OSBPL10: variants seen among roughly 807,000 people sequenced by gnomAD.
OSBPL10 encodes the protein oxysterol-binding protein-related protein 10.
Under a neutral mutation model 81.7 loss-of-function variants are expected in OSBPL10, and 49 were observed. The observed-to-expected ratio is 0.60, with a 90% CI of 0.48 to 0.76. The LOEUF (loss-of-function observed/expected upper bound fraction) is 0.76. Ranked by LOEUF, OSBPL10 falls within the 30% of genes least tolerant of loss-of-function variation. The pLI, the probability that OSBPL10 is intolerant of heterozygous loss-of-function variation, is 0.00. For missense variants in OSBPL10, 923 were observed against 987.8 expected (o/e 0.93, Z 0.88); for synonymous variants, 419 against 383.6 (o/e 1.09, Z -1.08).
chr3:31,784,489 A>G (rs1559463699), intron 4 of OSBPL10, among the ~76,000 whole-genome samples: 2 of 152,204 alleles, frequency 1.3e-5, no homozygotes, highest in African/African-American at 4.8e-5. Flanking sequence ...TATTATAAAG[A>G]AATAATCACA....
At chr3:31,863,308 A>T (rs1253219753) in intron 3 of OSBPL10, among the ~76,000 whole-genome samples, 4 of 152,204 alleles carry the variant, frequency 2.6e-5, no homozygotes, top group South Asian at 2.1e-4. Context: ...GGAAACAGGG[A>T]AACAGGGGAT....
At chr3:31,844,793 A>G (rs1700586285) in intron 3 of OSBPL10, among the ~76,000 whole-genome samples, 1 of 152,220 alleles carries the variant, frequency 6.6e-6, no homozygotes, top group Admixed American at 6.5e-5. Flanking sequence ...GCTAATTTGG[A>G]CCAGGCACAG....
At position 31,663,121 on chromosome 3, in the gene OSBPL10, A is replaced by T. The variant is rs1700107413; in HGVS notation, c.2250+958T>A. 9 of 985,344 alleles carry T rather than the reference A, an allele frequency of 9.1e-6. No individual in the cohort carries two copies. The South Asian group carries it at 3.8e-4, about 41-fold the overall frequency. The allele number at this position is 985,344 out of a possible 1,614,324, so 61.0% of individuals were successfully genotyped here. A position where few individuals can be genotyped will look rare whatever the true frequency, so the allele number is the denominator to read the frequency against. ...TAACTCACTTCTCAGCCTCGTATAT[A>T]GACAGAATAATCCCTCTTTGTAGCA... On this transcript the variant is annotated intron_variant, in intron 11 of 11. Transcript: ENST00000396556.
intron 4 of OSBPL10, among the ~76,000 whole-genome samples, chr3:31,751,812 T>A (rs1291117625): frequency 6.6e-6 from 1 of 152,204 alleles, no homozygotes; most frequent in African/African-American, 2.4e-5. Context: ...AATGACACAA[T>A]CAATGCCAAT....
At chr3:32,017,197 G>A (rs1295545526) in intron 2 of OSBPL10, among the ~76,000 whole-genome samples, 3 of 152,126 alleles carry the variant, frequency 2.0e-5, no homozygotes, top group Non-Finnish European at 4.4e-5. Context: ...TTCTGGAAAC[G>A]CTACGAGGCA....
intron 1 of OSBPL10, among the ~76,000 whole-genome samples, chr3:32,057,196 C>T (rs9871067): frequency 0.022 from 3,394 of 152,280 alleles, 118 homozygotes; most frequent in African/African-American, 0.073. Context: ...CTCAGTAGAG[C>T]AGCCCATGCG....
At chr3:31,875,082 T>TAAAAAAAAAAAAAAAAAAAAAAA (rs555527834) in intron 3 of OSBPL10, among the ~76,000 whole-genome samples, 1 of 103,078 alleles carries the variant, frequency 9.7e-6, no homozygotes, top group Non-Finnish European at 2.0e-5. Context: ...ATATATTAAG[T>TAAAAAAAAAAAAAAAAAAAAAAA]AAAAAAAAAA....
intron 2 of OSBPL10, among the ~76,000 whole-genome samples, chr3:32,016,572 G>A (rs917993796): frequency 1.3e-5 from 2 of 152,136 alleles, no homozygotes; most frequent in Non-Finnish European, 2.9e-5. Flanking sequence ...TTGTGCACAT[G>A]TACCCTAAAA....
chr3:31,885,262 T>C (rs1408638910), intron 1 of OSBPL10, among the ~76,000 whole-genome samples: 1 of 152,076 alleles, frequency 6.6e-6, no homozygotes, highest in Non-Finnish European at 1.5e-5. Flanking sequence ...CTCACACAGG[T>C]ACTTGCATTC....
rs10662309 is a variant in OSBPL10, at chr3:32,026,011, CATAGATAGATAGATAGATAGATAG to C, written n.298+20456_298+20479del. Reference sequence around the variant, plus strand: ...TATATGGAGCCTTTATATATACAGACATAGATAGATAGATAGATAGATAGATAGATAGATAGATAGATAGATGAT... The same window carrying C: ...TATATGGAGCCTTTATATATACAGACATAGATAGATAGATAGATAGATGAT... On this transcript the variant is annotated intron_variant and non_coding_transcript_variant, in intron 2 of 3. Transcript: ENST00000479173. Among the ~76,000 whole-genome samples the C allele has an allele frequency of 3.1e-5, 4 of 128,284 alleles. No individual in the cohort carries two copies. In the Admixed American group the frequency reaches 3.2e-4, roughly 10 times the overall value. The allele number at this position is 128,284 out of a possible 152,430, so 84.2% of individuals were successfully genotyped here.
intron 1 of OSBPL10, among the ~76,000 whole-genome samples, chr3:31,936,499 T>C (rs2125730515): frequency 6.6e-6 from 1 of 152,360 alleles, no homozygotes; most frequent in Admixed American, 6.5e-5. Flanking sequence ...AAGACATTTA[T>C]CATATCCAGT....
At position 32,012,316 on chromosome 3, in the gene OSBPL10, C is replaced by T. The variant is rs575603583; in HGVS notation, n.298+34175G>A. Among the ~76,000 whole-genome samples the T allele has an allele frequency of 1.2e-4, 18 of 150,594 alleles. No individual in the cohort carries two copies. In the South Asian group the frequency reaches 3.8e-3, roughly 32 times the overall value. ...CATTCTTAAAGAAAAGAATTTTCAACCCAGAATTTCATATCCAGCCAAACT... is the reference window on the plus strand; with the variant it reads ...CATTCTTAAAGAAAAGAATTTTCAATCCAGAATTTCATATCCAGCCAAACT... On this transcript the variant is annotated intron_variant and non_coding_transcript_variant, in intron 2 of 3. Coordinates refer to the OSBPL10 transcript ENST00000479173.
At chr3:31,797,634 C>A (rs1699264729) in intron 4 of OSBPL10, 1 of 337,724 alleles carries the variant, frequency 3.0e-6, no homozygotes, top group South Asian at 2.2e-5. Context: ...GTGAACCCTG[C>A]AAAAGGTCAC....
chr3:31,945,609 G>A (rs773708400), intron 1 of OSBPL10, among the ~76,000 whole-genome samples: 1 of 152,026 alleles, frequency 6.6e-6, no homozygotes, highest in Non-Finnish European at 1.5e-5. Context: ...TTCACTACAC[G>A]GCAACCATAG....
chr3:31,777,329 T>G (rs973461700), intron 4 of OSBPL10, among the ~76,000 whole-genome samples: 1 of 152,194 alleles, frequency 6.6e-6, no homozygotes, highest in African/African-American at 2.4e-5. Flanking sequence ...ATTTTTTTTT[T>G]CATCTTTAGA....
intron 7 of OSBPL10, among the ~76,000 whole-genome samples, chr3:31,688,283 T>TCTCACACA (rs1246299416): frequency 0.025 from 2,930 of 115,416 alleles, 43 homozygotes; most frequent in East Asian, 0.054. Flanking sequence ...TCTCTCTCTC[T>TCTCACACA]CACACACACA....
At position 31,661,985 on chromosome 3, in the gene OSBPL10, T is replaced by A. The variant is rs1384649460; in HGVS notation, c.*87A>T. The A allele has an allele frequency of 3.9e-6, 6 of 1,552,690 alleles. No homozygotes were observed. The African/African-American group carries it at 8.3e-5, about 21-fold the overall frequency. ...CTTGGATGCTAATACAAGGTCTCAG[T>A]GAATGCCAACAAAACCCTGATACTC... On this transcript the variant is annotated 3_prime_UTR_variant, in exon 12 of 12. Transcript: ENST00000396556.
chr3:31,789,880 T>C (rs1330984878), intron 4 of OSBPL10, among the ~76,000 whole-genome samples: 1 of 152,192 alleles, frequency 6.6e-6, no homozygotes, highest in African/African-American at 2.4e-5. Flanking sequence ...GTGTATACAT[T>C]TGCAACTCTT....
intron 6 of OSBPL10, chr3:31,705,059 G>A (rs893877742): frequency 3.3e-5 from 5 of 152,200 alleles, no homozygotes; most frequent in South Asian, 2.1e-4. Flanking sequence ...TGAGTCATCC[G>A]GGATGACTGG....
Sources: allele counts gnomAD v4.1 joint callset (sites outside exome capture counted in the v4.1 genomes callset), GRCh38; gene constraint gnomAD v4.1.1; transcripts MANE v1.5; gene names NCBI Gene and HGNC (gene_info 2026-07-23, HGNC 2026-07-21).